CNTN3: variants seen among roughly 807,000 people sequenced by gnomAD.
The protein encoded by CNTN3 is contactin 3.
In CNTN3, 60 loss-of-function variants were observed where a neutral mutation model predicts 119.1. That is an observed-to-expected ratio of 0.50 (90% CI 0.41 to 0.62). CNTN3 has a LOEUF of 0.62. CNTN3 is among the 20% of genes least tolerant of loss of function. The pLI, the probability that CNTN3 is intolerant of heterozygous loss-of-function variation, is 0.00. For missense variants in CNTN3, 1,101 were observed against 1,242.4 expected (o/e 0.89, Z 1.71); for synonymous variants, 450 against 438.7 (o/e 1.03, Z -0.32).
At chr3:74,358,580 T>C (rs949932879) in intron 11 of CNTN3, among the ~76,000 whole-genome samples, 1 of 134,022 alleles carries the variant, frequency 7.5e-6, no homozygotes, top group African/African-American at 3.5e-5. Context: ...GGAAGTGTAT[T>C]CTTTTTTTTT....
At chr3:74,337,969 T>A (rs957468637) in intron 11 of CNTN3, among the ~76,000 whole-genome samples, 12 of 152,062 alleles carry the variant, frequency 7.9e-5, no homozygotes, top group Admixed American at 7.2e-4. Flanking sequence ...ATTAATCTGA[T>A]CACTGTATCT....
chr3:74,264,498 A>G lies in CNTN3; in HGVS notation c.2990T>C (p.Met997Thr). 6.2e-7 allele frequency: 1 copy of G among 1,604,630 alleles called. No individual in the cohort carries two copies. Among genetic ancestry groups the G allele is most frequent in the South Asian group, 1.1e-5 (1 of 90,544 alleles). The change falls in exon 23 of 23, where the codon ATG becomes ACG. Residue 997 changes from methionine (M) to threonine (T), a missense_variant. By Grantham distance (81) the Met-to-Thr change is moderately conservative (BLOSUM62 -1). Transcript: ENST00000263665. ...EQIRIPRITS[M>T]DARGSTSAIS... Reference sequence around the variant, plus strand: ...GGCTGAAGTGGATCCTCTTGCATCCATACCTGTCAAAGTTGATGAAGAGCT... The same window carrying G: ...GGCTGAAGTGGATCCTCTTGCATCCGTACCTGTCAAAGTTGATGAAGAGCT...
At chr3:74,402,793 T>A (rs1394253160) in intron 5 of CNTN3, among the ~76,000 whole-genome samples, 2 of 152,206 alleles carry the variant, frequency 1.3e-5, no homozygotes, top group African/African-American at 2.4e-5. Context: ...GAAGAAAGGT[T>A]ACTTTAGATG....
intron 22 of CNTN3, 143 bp from the exon 23 acceptor site, chr3:74,264,644 A>G (rs1701634380): frequency 2.1e-6 from 1 of 481,362 alleles, no homozygotes; most frequent in Non-Finnish European, 3.7e-6. Flanking sequence ...GAGGTGAGGG[A>G]CTTCGAGAGG....
intron 5 of CNTN3, among the ~76,000 whole-genome samples, chr3:74,398,946 T>C (rs1459011756): frequency 6.6e-6 from 1 of 152,200 alleles, no homozygotes; most frequent in Non-Finnish European, 1.5e-5. Flanking sequence ...TTGCAATACA[T>C]ACAATGTTTA....
intron 5 of CNTN3, among the ~76,000 whole-genome samples, chr3:74,382,380 A>G (rs369849394): frequency 1.3e-5 from 2 of 152,226 alleles, no homozygotes; most frequent in African/African-American, 4.8e-5. Context: ...AGTGAAATAT[A>G]CTCTTAGCAA....
chr3:74,399,991 G>A (rs1424467104), intron 5 of CNTN3, among the ~76,000 whole-genome samples: 4 of 152,176 alleles, frequency 2.6e-5, no homozygotes, highest in African/African-American at 9.6e-5. Flanking sequence ...CACAGAGTAA[G>A]TGTAAAGTAA....
intron 4 of CNTN3, among the ~76,000 whole-genome samples, chr3:74,443,801 A>G (rs1374609150): frequency 5.3e-5 from 8 of 152,124 alleles, no homozygotes; most frequent in Non-Finnish European, 1.2e-4. Context: ...TGTGAGCTTC[A>G]TGAGGACAAG....
chr3:74,579,474 C>A (rs925948704), intron 1 of CNTN3, among the ~76,000 whole-genome samples: 11 of 151,924 alleles, frequency 7.2e-5, no homozygotes, highest in Admixed American at 1.3e-4. Flanking sequence ...AGCATATGGT[C>A]TTTTCAAATG....
At chr3:74,307,622 G>T (rs1245485993) in intron 13 of CNTN3, among the ~76,000 whole-genome samples, 1 of 152,050 alleles carries the variant, frequency 6.6e-6, no homozygotes, top group East Asian at 1.9e-4. Flanking sequence ...AACACTACCT[G>T]ATTTGATAAC....
chr3:74,369,978 T>C lies in CNTN3; in HGVS notation c.672A>G (p.Glu224=), dbSNP rs1559567760. 2 of 1,576,502 alleles carry C rather than the reference T, an allele frequency of 1.3e-6. No homozygotes were observed. The highest frequency in any genetic ancestry group is 1.7e-6 in the Non-Finnish European group (2 of 1,147,792). ...LVLRSDGVMG[E]YEPKIEVQFP... ...ACTGAACTTCTATTTTAGGTTCATA[T>C]TCACCCATCACACCTATAAATCCAC... The change falls in exon 7 of 23, where the codon GAA becomes GAG. Residue 224 remains glutamate (E), a synonymous_variant. Coordinates refer to ENST00000263665, the MANE Select transcript of CNTN3 (RefSeq NM_020872.3).
chr3:74,569,685 G>C (rs1010905930), intron 1 of CNTN3, among the ~76,000 whole-genome samples: 1 of 152,140 alleles, frequency 6.6e-6, no homozygotes, highest in Non-Finnish European at 1.5e-5. Flanking sequence ...CATGAACTTA[G>C]TGGTTTAAAC....
chr3:74,496,363 G>C (rs140073968), intron 3 of CNTN3, among the ~76,000 whole-genome samples: 1 of 152,094 alleles, frequency 6.6e-6, no homozygotes, highest in Non-Finnish European at 1.5e-5. Context: ...TTCCTAGATG[G>C]TAACAATTGG....
intron 11 of CNTN3, among the ~76,000 whole-genome samples, chr3:74,355,071 C>T (rs185438513): frequency 5.9e-4 from 90 of 152,204 alleles, no homozygotes; most frequent in African/African-American, 1.8e-3. Context: ...TTTGTATGCA[C>T]GGATATATCC....
intron 1 of CNTN3, among the ~76,000 whole-genome samples, chr3:74,542,624 A>C (rs1703857638): frequency 6.6e-6 from 1 of 152,232 alleles, no homozygotes. Flanking sequence ...TAATATGATG[A>C]ATGACAAACA....
intron 20 of CNTN3, among the ~76,000 whole-genome samples, chr3:74,281,333 TTTA>T (rs961925311): frequency 2.6e-5 from 4 of 152,052 alleles, no homozygotes; most frequent in Admixed American, 2.6e-4. Context: ...TTTCTTTATT[TTTA>T]TTATTATTTT....
chr3:74,529,152 A>G, intron 1 of CNTN3, among the ~76,000 whole-genome samples: 1 of 151,954 alleles, frequency 6.6e-6, no homozygotes, highest in African/African-American at 2.4e-5. Context: ...TCAGGAAGAG[A>G]ATAGAAAGAT....
rs1049637168 is a variant in CNTN3, at chr3:74,344,540, T to C, written c.1365-7882A>G. Reference sequence around the variant, plus strand: ...TCCCGAGTTCACGCCATTCTCCTGCTTCAGCCTCCCGGGTTCACGCCATTC... The same window carrying C: ...TCCCGAGTTCACGCCATTCTCCTGCCTCAGCCTCCCGGGTTCACGCCATTC... On this transcript the variant is annotated intron_variant, in intron 11 of 22. Coordinates refer to ENST00000263665, the MANE Select transcript of CNTN3 (RefSeq NM_020872.3). Among the ~76,000 whole-genome samples, 21 of 79,828 alleles carry C rather than the reference T, an allele frequency of 2.6e-4. 1 individual carries two copies. Among genetic ancestry groups the C allele is most frequent in the South Asian group, 9.7e-4 (2 of 2,066 alleles). 52.4% of individuals were successfully genotyped at this position (79,828 alleles called of 152,430 possible).
At chr3:74,358,131 G>A (rs976753451) in intron 11 of CNTN3, among the ~76,000 whole-genome samples, 5 of 152,142 alleles carry the variant, frequency 3.3e-5, no homozygotes, top group African/African-American at 1.2e-4. Flanking sequence ...CAAGGCCCTG[G>A]CTCGTCAGTG....
Sources: gnomAD v4.1 joint callset for allele counts (sites outside exome capture counted in the v4.1 genomes callset) on GRCh38, gnomAD v4.1.1 for gene constraint, MANE v1.5 for transcripts, NCBI Gene and HGNC (gene_info 2026-07-23, HGNC 2026-07-21) for gene names.